The following HINT3 variants were observed in gnomAD, a reference collection of about 807,000 sequenced individuals.
HINT3 encodes adenosine 5'-monophosphoramidase HINT3.
HINT3 carries 16 observed loss-of-function variants against 19.1 expected under a neutral mutation model. The observed-to-expected ratio is 0.84, with a 90% CI of 0.57 to 1.27. HINT3 has a LOEUF of 1.27. HINT3 is among the 50% of genes most tolerant of loss of function. HINT3 has a pLI of 0.00. For synonymous variants in HINT3, 75 were observed against 84.8 expected (o/e 0.88, Z 0.63); for missense variants, 197 against 225.8 (o/e 0.87, Z 0.82).
intron 1 of HINT3, 152 bp downstream of exon 1, chr6:125,957,330 G>A (rs1306004588): frequency 3.6e-6 from 3 of 831,780 alleles, no homozygotes; most frequent in Non-Finnish European, 5.5e-6. Context: ...ATGGGGCTCG[G>A]GGAAGCTGGG....
rs149094456 is a variant in HINT3, at chr6:125,975,581, G to GTTT, written c.516+610_516+611insTTT. On this transcript the variant is annotated intron_variant, in intron 4 of 4. Coordinates refer to ENST00000229633, the MANE Select transcript of HINT3 (RefSeq NM_138571.5). ...CACCTATCAGATCTGTGGCTGAAGA[G>GTTT]TTGTTTTTTTTTTTTTTGAGACAGT... Among the ~76,000 whole-genome samples, 82 of 143,584 alleles carry GTTT rather than the reference G, an allele frequency of 5.7e-4. 7 individuals carry two copies. Among genetic ancestry groups the GTTT allele is most frequent in the Middle Eastern group, 3.4e-3 (1 of 294 alleles). 94.2% of individuals were successfully genotyped at this position (143,584 alleles called of 152,430 possible). A position where few individuals can be genotyped will look rare whatever the true frequency, so the allele number is the denominator to read the frequency against.
At chr6:125,975,116 A>T (rs1789163241) in intron 4 of HINT3, 143 bp downstream of exon 4, 5 of 651,636 alleles carry the variant, frequency 7.7e-6, no homozygotes, top group African/African-American at 3.7e-5. Flanking sequence ...CATATCCAAA[A>T]TAATATTTTT....
intron 1 of HINT3, among the ~76,000 whole-genome samples, chr6:125,962,239 TATATATATATACACAC>T (rs1470562525): frequency 0.14 from 6,564 of 46,272 alleles, 816 homozygotes; most frequent in East Asian, 0.4. Flanking sequence ...TATATACACA[TATATATATATACACAC>T]ATATATATAT....
chr6:125,963,604 A>G (rs1788975583), intron 1 of HINT3, among the ~76,000 whole-genome samples: 1 of 152,224 alleles, frequency 6.6e-6, no homozygotes, highest in African/African-American at 2.4e-5. Context: ...ATGCATTTCC[A>G]AAAGGATAAA....
chr6:125,972,716 T>G (rs753693473), intron 3 of HINT3, among the ~76,000 whole-genome samples: 2 of 151,956 alleles, frequency 1.3e-5, no homozygotes, highest in South Asian at 4.2e-4. Flanking sequence ...GCCTCCAGAG[T>G]AGCTGGGACC....
At chr6:125,970,941 C>CAA (rs1448097894) in intron 2 of HINT3, among the ~76,000 whole-genome samples, 1 of 152,164 alleles carries the variant, frequency 6.6e-6, no homozygotes, top group Admixed American at 6.5e-5. Flanking sequence ...GGAAGGCTGG[C>CAA]AGTCTCCCAG....
chr6:125,961,396 G>A (rs765686331), intron 1 of HINT3, among the ~76,000 whole-genome samples: 5 of 152,100 alleles, frequency 3.3e-5, no homozygotes, highest in Non-Finnish European at 7.4e-5. Context: ...CTATCTACCT[G>A]ATGATAGCAT....
At chr6:125,968,100 G>T (rs186092878) in intron 2 of HINT3, among the ~76,000 whole-genome samples, 3 of 152,188 alleles carry the variant, frequency 2.0e-5, no homozygotes, top group African/African-American at 2.4e-5. Context: ...GGATACAAAT[G>T]ATCTGTGACC....
chr6:125,977,158 T>C (rs1418984417), intron 4 of HINT3, among the ~76,000 whole-genome samples: 1 of 152,214 alleles, frequency 6.6e-6, no homozygotes, highest in African/African-American at 2.4e-5. Flanking sequence ...TATCCACCAT[T>C]ATAGCATCAT....
intron 1 of HINT3, among the ~76,000 whole-genome samples, chr6:125,960,671 A>ACGGG (rs1562211533): frequency 2.2e-5 from 2 of 92,472 alleles, no homozygotes; most frequent in Non-Finnish European, 4.5e-5. Context: ...GGGGGAAAAA[A>ACGGG]AAAGAAGTTA....
In HINT3 at chr6:125,966,871, A is replaced by G. The variant is rs1298044415; in HGVS notation, c.202-16A>G. On this transcript the variant is annotated splice_polypyrimidine_tract_variant and intron_variant, in intron 1 of 4. Transcript: ENST00000229633. ...ATTCTTTTTAAAAATTCACTAACAA[A>G]TGTTTTTTCCTTTAGAATGAGGACC... is the stretch of plus-strand genomic sequence containing the variant. 6.6e-7 allele frequency: 1 copy of G among 1,518,438 alleles called. No individual in the cohort carries two copies. The highest frequency in any genetic ancestry group is 2.3e-5 in the East Asian group (1 of 44,258). 94.1% of individuals were successfully genotyped at this position (1,518,438 alleles called of 1,614,324 possible). A position where few individuals can be genotyped will look rare whatever the true frequency, so the allele number is the denominator to read the frequency against.
intron 1 of HINT3, among the ~76,000 whole-genome samples, chr6:125,959,694 G>A (rs951307386): frequency 1.3e-5 from 2 of 152,220 alleles, no homozygotes; most frequent in African/African-American, 4.8e-5. Flanking sequence ...AGCTACAGGA[G>A]AAGTTGGGGA....
chr6:125,974,976 G>A lies in HINT3; in HGVS notation c.516+3G>A. 6.2e-7 allele frequency: 1 copy of A among 1,612,848 alleles called. No homozygotes were observed. The highest frequency in any genetic ancestry group is 8.5e-7 in the Non-Finnish European group (1 of 1,179,362). ...TCAATTCCTATTGGTTTATCACAGT[G>A]AGTATTCTTGTTATGTCAGCAGCAT... On this transcript the variant is annotated splice_donor_region_variant and intron_variant, in intron 4 of 4. Transcript: ENST00000229633.
At chr6:125,973,607 C>G (rs1789140928) in intron 3 of HINT3, among the ~76,000 whole-genome samples, 1 of 152,186 alleles carries the variant, frequency 6.6e-6, no homozygotes, top group Non-Finnish European at 1.5e-5. Flanking sequence ...AATACCTGCT[C>G]TGCCTGCTGG....
intron 1 of HINT3, among the ~76,000 whole-genome samples, chr6:125,957,951 T>G (rs1232647997): frequency 6.6e-6 from 1 of 151,406 alleles, no homozygotes; most frequent in Non-Finnish European, 1.5e-5. Context: ...GTTTTGGAGG[T>G]TTTTGAGCAA....
rs62426375 is a variant in HINT3 at position 125,962,291 on chromosome 6, T to C, written c.202-4596T>C. On this transcript the variant is annotated intron_variant, in intron 1 of 4. Coordinates refer to ENST00000229633, the MANE Select transcript of HINT3 (RefSeq NM_138571.5). ...ATATACATACATATATATATACACA[T>C]ATATATATATATATATCACACATAT... 5.4e-4 allele frequency among the ~76,000 whole-genome samples: 14 copies of C among 26,020 alleles called. 3 individuals carry two copies. The highest frequency in any genetic ancestry group is 5.9e-3 in the East Asian group (1 of 170). The allele number at this position is 26,020 out of a possible 152,430, so 17.1% of individuals were successfully genotyped here.
chr6:125,968,320 A>AT (rs1789046944), intron 2 of HINT3, among the ~76,000 whole-genome samples: 1 of 152,176 alleles, frequency 6.6e-6, no homozygotes, highest in African/African-American at 2.4e-5. Context: ...AGCTGCATCC[A>AT]TGCTGCTGCA....
At chr6:125,962,149 C>CATATATATATACATATAT (rs1439269897) in intron 1 of HINT3, among the ~76,000 whole-genome samples, 1 of 38,646 alleles carries the variant, frequency 2.6e-5, no homozygotes, top group African/African-American at 6.9e-5. Flanking sequence ...GATGGAAACC[C>CATATATATATACATATAT]ATATATATAT....
intron 2 of HINT3, among the ~76,000 whole-genome samples, chr6:125,969,475 T>C (rs1789068754): frequency 6.6e-6 from 1 of 152,218 alleles, no homozygotes; most frequent in African/African-American, 2.4e-5. Flanking sequence ...TAGGATTGTC[T>C]TGGCTACTTG....
Sources: gnomAD v4.1 joint callset for allele counts (sites outside exome capture counted in the v4.1 genomes callset) on GRCh38, gnomAD v4.1.1 for gene constraint, MANE v1.5 for transcripts, NCBI Gene and HGNC (gene_info 2026-07-23, HGNC 2026-07-21) for gene names.